The following ACLY variants were observed in gnomAD, a reference collection of about 807,000 sequenced individuals.
ACLY encodes the protein ATP citrate lyase.
A neutral mutation model predicts 133.0 loss-of-function variants in ACLY; 41 were observed. The observed-to-expected ratio is 0.31, with a 90% CI of 0.24 to 0.40. The LOEUF (loss-of-function observed/expected upper bound fraction) is 0.40, where lower values mean the gene tolerates loss of function less well. Ranked by LOEUF, ACLY falls within the 10% of genes least tolerant of loss-of-function variation. The probability of loss-of-function intolerance (pLI) is 1.00; values close to 1 mark genes in which losing one functional copy is unlikely to be tolerated. For synonymous variants in ACLY, 495 were observed against 549.3 expected (o/e 0.90, Z 1.38); for missense variants, 1,046 against 1,453.8 (o/e 0.72, Z 4.56).
intron 22 of ACLY, among the ~76,000 whole-genome samples, 164 bp from the exon 23 acceptor site, chr17:41,874,129 A>G (rs1234745050): frequency 2.0e-5 from 3 of 152,220 alleles, no homozygotes; most frequent in Non-Finnish European, 4.4e-5. Context: ...AAGAAGTGCA[A>G]AAGCCCTTTC....
chr17:41,870,854 G>A (rs952754104), intron 25 of ACLY: 1 of 152,230 alleles, frequency 6.6e-6, no homozygotes, highest in Non-Finnish European at 1.5e-5. Context: ...GAGCCTGCAC[G>A]TGGTCCTGCC....
chr17:41,921,525 AGAAG>A (rs1300250146), upstream of ACLY, among the ~76,000 whole-genome samples: 72 of 151,666 alleles, frequency 4.7e-4, no homozygotes, highest in African/African-American at 1.7e-3. Flanking sequence ...AAGAAAAGAA[AGAAG>A]GAAGGAAGGA....
intron 24 of ACLY, 31 bp from the exon 25 acceptor site, chr17:41,871,863 A>G (rs2048605901): frequency 6.2e-7 from 1 of 1,611,544 alleles, no homozygotes; most frequent in African/African-American, 1.3e-5. Flanking sequence ...TGTTGCCTTG[A>G]GCTTTAAGAG....
At chr17:41,921,048 C>T (rs183219995), upstream of ACLY, among the ~76,000 whole-genome samples, 3 of 151,616 alleles carry the variant, frequency 2.0e-5, no homozygotes, top group East Asian at 5.8e-4. Context: ...ATCGCTTGAA[C>T]CCAGGAGGCG....
intron 3 of ACLY, among the ~76,000 whole-genome samples, chr17:41,911,231 T>C (rs1437232652): frequency 6.6e-6 from 1 of 152,188 alleles, no homozygotes; most frequent in African/African-American, 2.4e-5. Flanking sequence ...ACCACCTTCA[T>C]TGCTATTCTC....
intron 5 of ACLY, 81 bp downstream of exon 5, chr17:41,909,429 T>TC: frequency 1.3e-6 from 2 of 1,483,068 alleles, no homozygotes; most frequent in South Asian, 2.5e-5. Flanking sequence ...AGGAGACCGC[T>TC]CTGCTCTCCC....
At chr17:41,909,317 G>A (rs563759499) in intron 5 of ACLY, among the ~76,000 whole-genome samples, 193 bp downstream of exon 5, 1 of 152,256 alleles carries the variant, frequency 6.6e-6, no homozygotes, top group South Asian at 2.1e-4. Context: ...AGGAGGTGAG[G>A]GATGCTGGCG....
chr17:41,893,292 A>ACAAC, intron 14 of ACLY, 118 bp from the exon 15 acceptor site: 1 of 1,180,950 alleles, frequency 8.5e-7, no homozygotes, highest in Non-Finnish European at 1.1e-6. Flanking sequence ...ATGCCTCATC[A>ACAAC]CAACCGTAAA....
chr17:41,884,758 G>A lies in ACLY; in HGVS notation c.2073-484C>T, dbSNP rs112676720. ...AAATCAGCCAGGTGTGGTCGTGGGC[G>A]CCTGTACAGTCCTAGCTACTCAGGT... On this transcript the variant is annotated intron_variant, in intron 18 of 28. Coordinates refer to ENST00000352035, the MANE Select transcript of ACLY (RefSeq NM_001096.3). Among the ~76,000 whole-genome samples the A allele has an allele frequency of 9.9e-4, 150 of 152,260 alleles. 1 individual carries two copies. The highest frequency in any genetic ancestry group is 3.5e-3 in the African/African-American group (144 of 41,556).
chr17:41,896,651 T>C lies in ACLY; in HGVS notation c.1430-2A>G. On this transcript the variant is annotated splice_acceptor_variant, in intron 13 of 28. Transcript: ENST00000352035. LOFTEE classifies it high-confidence loss of function. Reference sequence around the variant, plus strand: ...GGGATCTTGGACTTGGGACTGAATCTGTCAAAGAAAATGACCAAGGCAACT... The same window carrying C: ...GGGATCTTGGACTTGGGACTGAATCCGTCAAAGAAAATGACCAAGGCAACT... 6.4e-7 allele frequency: 1 copy of C among 1,573,302 alleles called. No individual in the cohort carries two copies. The highest frequency in any genetic ancestry group is 8.6e-7 in the Non-Finnish European group (1 of 1,158,150).
intron 14 of ACLY, among the ~76,000 whole-genome samples, chr17:41,894,948 C>G (rs980070931): frequency 1.3e-5 from 2 of 152,194 alleles, no homozygotes; most frequent in South Asian, 4.1e-4. Context: ...AGGCCTGCCT[C>G]TTCCATCACA....
At position 41,913,903 on chromosome 17, in the gene ACLY, G is replaced by A; in HGVS notation, c.-23-7C>T. Reference sequence around the variant, plus strand: ...GCAGAGAGACCTGCTCTACCTGTCTGGGAGAGAGAAGCTGGTCAGAAGGGG... The same window carrying A: ...GCAGAGAGACCTGCTCTACCTGTCTAGGAGAGAGAAGCTGGTCAGAAGGGG... On this transcript the variant is annotated splice_region_variant and splice_polypyrimidine_tract_variant and intron_variant, in intron 1 of 28. Transcript: ENST00000352035. The A allele has an allele frequency of 6.2e-7, 1 of 1,613,798 alleles. No individual in the cohort carries two copies. The highest frequency in any genetic ancestry group is 1.7e-4 in the Middle Eastern group (1 of 6,056).
chr17:41,867,773 T>C lies in ACLY; in HGVS notation c.*37A>G, dbSNP rs2144182922. ...ACACTTTTTCTTGGGGGAAGAGATCTTGTCTTCAGTTTACTGCAGTAGGGT... is the reference window on the plus strand; with the variant it reads ...ACACTTTTTCTTGGGGGAAGAGATCCTGTCTTCAGTTTACTGCAGTAGGGT... On this transcript the variant is annotated 3_prime_UTR_variant, in exon 29 of 29. Coordinates refer to ENST00000352035, the MANE Select transcript of ACLY (RefSeq NM_001096.3). The C allele has an allele frequency of 3.9e-6, 6 of 1,530,874 alleles. No individual in the cohort carries two copies. The highest frequency in any genetic ancestry group is 5.4e-6 in the Non-Finnish European group (6 of 1,115,366). 94.8% of individuals were successfully genotyped at this position (1,530,874 alleles called of 1,614,324 possible).
At chr17:41,914,887 G>C (rs1555634267) in intron 1 of ACLY, among the ~76,000 whole-genome samples, 1 of 152,154 alleles carries the variant, frequency 6.6e-6, no homozygotes, top group Non-Finnish European at 1.5e-5. Flanking sequence ...TCTAAAAAAA[G>C]ATAAAAAGAA....
upstream of ACLY, among the ~76,000 whole-genome samples, chr17:41,922,060 G>A (rs1335037016): frequency 3.3e-5 from 5 of 152,154 alleles, no homozygotes; most frequent in Non-Finnish European, 1.5e-5. Context: ...GCTGGATGTG[G>A]TGGCACATGC....
intron 19 of ACLY, 23 bp downstream of exon 19, chr17:41,884,170 T>A: frequency 9.9e-7 from 1 of 1,009,678 alleles, no homozygotes; most frequent in Non-Finnish European, 1.4e-6. Context: ...AAAATCATAA[T>A]TTTTTTTTTT....
Position 41,913,869 on chromosome 17 carries a change from G to A in ACLY, c.5C>T (p.Ser2Leu), listed in dbSNP as rs781941291. The change falls in exon 2 of 29, where the codon TCG becomes TTG. Residue 2 changes from serine to leucine, a missense_variant. Physicochemically the swap from Ser to Leu is moderately radical, Grantham distance 145. Transcript: ENST00000352035. ...CGTCTGCTCTGAAATTGCCTTGGCC[G>A]ACATGGCTGCAGAGAGACCTGCTCT... Reference protein sequence around the residue: MSAKAISEQTGK... With the variant: MLAKAISEQTGK... 5 of 1,614,198 alleles carry A rather than the reference G, an allele frequency of 3.1e-6. No homozygotes were observed. Among genetic ancestry groups the A allele is most frequent in the Middle Eastern group, 3.3e-4 (2 of 6,062 alleles).
At chr17:41,905,772 C>A (rs538154228) in intron 8 of ACLY, 114 bp from the exon 9 acceptor site, 11 of 1,328,112 alleles carry the variant, frequency 8.3e-6, no homozygotes, top group African/African-American at 2.9e-5. Flanking sequence ...CCTGTGGAAC[C>A]GGCCTCTTGG....
rs373981139 is a variant in ACLY at position 41,884,259 on chromosome 17, T to C, written c.2088A>G (p.Thr696=). Residue 696 remains threonine (T), a synonymous_variant, in exon 19 of 29, where the codon ACA becomes ACG. Coordinates refer to ENST00000352035, the MANE Select transcript of ACLY (RefSeq NM_001096.3). ...GATAGCGTAACACATGATCCATGAATGTGGAGCCCGGGTACCTGTTGAGAG... is the reference window on the plus strand; with the variant it reads ...GATAGCGTAACACATGATCCATGAACGTGGAGCCCGGGTACCTGTTGAGAG... The part of the protein sequence containing the change: ...AIGGDRYPGS[T]FMDHVLRYQD... 1.4e-4 allele frequency: 222 copies of C among 1,611,520 alleles called. No individual in the cohort carries two copies. Among genetic ancestry groups the C allele is most frequent in the Middle Eastern group, 4.9e-4 (3 of 6,076 alleles).
Sources: gnomAD v4.1 joint callset for allele counts (sites outside exome capture counted in the v4.1 genomes callset) on GRCh38, gnomAD v4.1.1 for gene constraint, MANE v1.5 for transcripts, NCBI Gene and HGNC (gene_info 2026-07-23, HGNC 2026-07-21) for gene names.